USP32: variants seen among roughly 807,000 people sequenced by gnomAD.
USP32 encodes the protein ubiquitin specific peptidase 32, also known as ubiquitin carboxyl-terminal hydrolase 32.
Under a neutral mutation model 204.8 loss-of-function variants are expected in USP32, and 59 were observed. That is an observed-to-expected ratio of 0.29 (90% confidence interval 0.23 to 0.36). The LOEUF (loss-of-function observed/expected upper bound fraction) is 0.36. Among genes scored for constraint, USP32 ranks in the 10% least tolerant of loss-of-function variants. The pLI, the probability that USP32 is intolerant of heterozygous loss-of-function variation, is 1.00. For synonymous variants in USP32, 517 were observed against 678.4 expected (o/e 0.76, Z 3.70); for missense variants, 1,160 against 1,946.4 (o/e 0.60, Z 7.60).
At chr17:60,318,256 T>C (rs1344660444) in intron 2 of USP32, among the ~76,000 whole-genome samples, 2 of 152,194 alleles carry the variant, frequency 1.3e-5, no homozygotes, top group Admixed American at 6.5e-5. Flanking sequence ...TATATAAAGA[T>C]ATAGAAGAAG....
chr17:60,412,003 T>C (rs2090022593), intron 1 of USP32, among the ~76,000 whole-genome samples: 1 of 152,232 alleles, frequency 6.6e-6, no homozygotes, highest in Admixed American at 6.5e-5. Flanking sequence ...TATTTAATAA[T>C]GCTTCTGTTT....
At chr17:60,252,296 T>C in intron 11 of USP32, 85 bp downstream of exon 11, 1 of 1,081,122 alleles carries the variant, frequency 9.2e-7, no homozygotes, top group South Asian at 1.5e-5. Flanking sequence ...AATGATTACA[T>C]TAAAATAGGA....
intron 4 of USP32, among the ~76,000 whole-genome samples, chr17:60,293,673 C>A (rs2087344766): frequency 6.6e-6 from 1 of 152,166 alleles, no homozygotes; most frequent in East Asian, 1.9e-4. Context: ...TGGTAAGAAA[C>A]TAATGATAGG....
chr17:60,191,711 G>GT (rs1042195431), intron 28 of USP32, among the ~76,000 whole-genome samples: 5 of 151,250 alleles, frequency 3.3e-5, no homozygotes, highest in African/African-American at 1.2e-4. Context: ...GGGTTTCACC[G>GT]TGTTAGCTAG....
At chr17:60,366,000 G>A (rs548198969) in intron 1 of USP32, among the ~76,000 whole-genome samples, 2 of 152,056 alleles carry the variant, frequency 1.3e-5, no homozygotes, top group African/African-American at 4.8e-5. Context: ...TTTTTGAGAC[G>A]GAGTTTCGCT....
chr17:60,346,343 G>T (rs2088785827), intron 1 of USP32, among the ~76,000 whole-genome samples: 2 of 152,206 alleles, frequency 1.3e-5, no homozygotes, highest in East Asian at 1.9e-4. Flanking sequence ...AAATTAGCAG[G>T]TAAGCTAAAT....
chr17:60,311,003 TG>T (rs1237746135), intron 2 of USP32, among the ~76,000 whole-genome samples: 5 of 152,006 alleles, frequency 3.3e-5, no homozygotes, highest in Admixed American at 2.6e-4. Flanking sequence ...GGAAGAGTAG[TG>T]GGGAGGAGGG....
At chr17:60,247,137 C>T (rs1381610415) in intron 11 of USP32, among the ~76,000 whole-genome samples, 3 of 152,044 alleles carry the variant, frequency 2.0e-5, no homozygotes, top group Non-Finnish European at 4.4e-5. Flanking sequence ...TCCCCAATTT[C>T]GTCTAGTAGT....
intron 5 of USP32, among the ~76,000 whole-genome samples, chr17:60,276,946 C>CACAT (rs2086853441): frequency 1.4e-5 from 2 of 140,758 alleles, no homozygotes; most frequent in Admixed American, 7.1e-5. Context: ...ATTACATATA[C>CACAT]ATATATATAT....
chr17:60,360,380 C>T (rs1324180340), intron 1 of USP32, among the ~76,000 whole-genome samples: 1 of 152,020 alleles, frequency 6.6e-6, no homozygotes, highest in East Asian at 1.9e-4. Flanking sequence ...TTTTGTATTA[C>T]AGGCGCAGTG....
At chr17:60,275,556 T>A (rs2086819786) in intron 5 of USP32, among the ~76,000 whole-genome samples, 1 of 152,182 alleles carries the variant, frequency 6.6e-6, no homozygotes, top group African/African-American at 2.4e-5. Flanking sequence ...CTAACTGTGA[T>A]AAAAGATAAC....
chr17:60,341,736 T>C (rs1039024350), intron 2 of USP32, among the ~76,000 whole-genome samples: 5 of 152,180 alleles, frequency 3.3e-5, no homozygotes, highest in Non-Finnish European at 5.9e-5. Flanking sequence ...TCTCGCGCCA[T>C]GGTTTTCAGC....
rs1210948841 is a variant in USP32, at chr17:60,289,070, C to T, written c.412-388G>A. Among the ~76,000 whole-genome samples the T allele has an allele frequency of 3.9e-5, 6 of 152,146 alleles. No individual in the cohort carries two copies. The East Asian group carries it at 7.7e-4, about 20-fold the overall frequency. ...TCGCCCAGGCTGGAGTGCAGTGGCG[C>T]GATCTCGGCTCACTGCAAGCTCTGC... On this transcript the variant is annotated intron_variant, in intron 4 of 33. Coordinates refer to ENST00000300896, the MANE Select transcript of USP32 (RefSeq NM_032582.4).
intron 2 of USP32, among the ~76,000 whole-genome samples, chr17:60,341,582 T>C (rs997581288): frequency 3.3e-5 from 5 of 152,242 alleles, no homozygotes; most frequent in African/African-American, 1.2e-4. Context: ...TCATATTTCT[T>C]GGCGGCTTTG....
chr17:60,419,456 G>T (rs1018695368), intron 1 of USP32, among the ~76,000 whole-genome samples: 2 of 152,108 alleles, frequency 1.3e-5, no homozygotes, highest in Non-Finnish European at 2.9e-5. Flanking sequence ...TGTGCAACAG[G>T]CTGGGCACGG....
intron 21 of USP32, among the ~76,000 whole-genome samples, chr17:60,210,589 G>A (rs1196072824): frequency 2.6e-5 from 4 of 152,210 alleles, no homozygotes; most frequent in Admixed American, 1.3e-4. Flanking sequence ...TTACAGGCGT[G>A]AGCCCCTGCG....
intron 5 of USP32, among the ~76,000 whole-genome samples, chr17:60,271,858 C>A (rs1206227335): frequency 6.6e-6 from 1 of 150,972 alleles, no homozygotes; most frequent in Non-Finnish European, 1.5e-5. Context: ...CACTCCCAAG[C>A]TGGAGTGCAG....
chr17:60,250,555 C>T (rs1381825422), intron 11 of USP32, among the ~76,000 whole-genome samples: 1 of 152,042 alleles, frequency 6.6e-6, no homozygotes, highest in Non-Finnish European at 1.5e-5. Flanking sequence ...TAAAATCCTA[C>T]GTTAATATAT....
rs529137426 is a variant in USP32, at chr17:60,308,499, G to A, written c.187-6795C>T. Among the ~76,000 whole-genome samples, 14 of 152,288 alleles carry A rather than the reference G, an allele frequency of 9.2e-5. No homozygotes were observed. In the South Asian group the frequency reaches 1.4e-3, roughly 16 times the overall value. On this transcript the variant is annotated intron_variant, in intron 2 of 33. Transcript: ENST00000300896. ...AAAGCAGACACACAGACCAATGGAC[G>A]ACAGAGAACCCAGATATAAATCCAA...
Sources: allele counts gnomAD v4.1 joint callset (sites outside exome capture counted in the v4.1 genomes callset), GRCh38; gene constraint gnomAD v4.1.1; transcripts MANE v1.5; gene names NCBI Gene and HGNC (gene_info 2026-07-23, HGNC 2026-07-21).